Variants in HTR4 observed in about 807,000 individuals in gnomAD.
HTR4 encodes the protein 5-hydroxytryptamine receptor 4.
HTR4 carries 16 observed loss-of-function variants against 36.8 expected under a neutral mutation model. The observed-to-expected ratio is 0.43, with a 90% CI of 0.29 to 0.66. The LOEUF (loss-of-function observed/expected upper bound fraction) is 0.66, where lower values mean the gene tolerates loss of function less well. HTR4 is among the 30% of genes least tolerant of loss of function. The pLI, the probability that HTR4 is intolerant of heterozygous loss-of-function variation, is 0.13. For synonymous variants in HTR4, 189 were observed against 185.1 expected (o/e 1.02, Z -0.17); for missense variants, 438 against 490.9 (o/e 0.89, Z 1.02).
chr5:148,492,065 C>T (rs1756477694), intron 6 of HTR4, among the ~76,000 whole-genome samples: 1 of 152,210 alleles, frequency 6.6e-6, no homozygotes, highest in Non-Finnish European at 1.5e-5. Flanking sequence ...AAATAAACCA[C>T]GTTGGGCATT....
chr5:148,646,101 A>G (rs1034539482), intron 1 of HTR4: 13 of 152,238 alleles, frequency 8.5e-5, no homozygotes, highest in Admixed American at 7.9e-4. Context: ...AAAACTGTAG[A>G]TTCAGGCACT....
chr5:148,472,916 C>T (rs1755605894), downstream of HTR4, among the ~76,000 whole-genome samples: 1 of 152,068 alleles, frequency 6.6e-6, no homozygotes. Context: ...GAGGGCATAA[C>T]TTTATTTTTT....
chr5:148,482,473 G>C lies in HTR4; in HGVS notation c.*730C>G. On this transcript the variant is annotated 3_prime_UTR_variant, in exon 7 of 7. Transcript: ENST00000377888. ...CTGTCTTCAGCTTCCCTCCAGAGTT[G>C]CTGTGGAGACCATTTTCCTCTGACA... The C allele has an allele frequency of 1.0e-6, 1 of 985,568 alleles. No individual in the cohort carries two copies. Among genetic ancestry groups the C allele is most frequent in the Non-Finnish European group, 1.2e-6 (1 of 830,070 alleles). The allele number at this position is 985,568 out of a possible 1,614,324, so 61.1% of individuals were successfully genotyped here.
chr5:148,614,996 A>G (rs1270012287), intron 2 of HTR4, among the ~76,000 whole-genome samples: 1 of 152,160 alleles, frequency 6.6e-6, no homozygotes, highest in African/African-American at 2.4e-5. Context: ...ATCTCACACC[A>G]GTTAGAATGG....
At chr5:148,555,430 C>T (rs1188920201) in intron 2 of HTR4, among the ~76,000 whole-genome samples, 1 of 152,180 alleles carries the variant, frequency 6.6e-6, no homozygotes, top group Non-Finnish European at 1.5e-5. Context: ...AATAGCTTAA[C>T]TTTAAACTAG....
At chr5:148,633,658 T>A (rs1753414211) in intron 2 of HTR4, among the ~76,000 whole-genome samples, 1 of 151,934 alleles carries the variant, frequency 6.6e-6, no homozygotes, top group Admixed American at 6.6e-5. Flanking sequence ...CCGTATTAAA[T>A]ACTTTAGTTC....
At chr5:148,491,879 G>C (rs546156727) in intron 6 of HTR4, among the ~76,000 whole-genome samples, 1 of 152,076 alleles carries the variant, frequency 6.6e-6, no homozygotes, top group Non-Finnish European at 1.5e-5. Context: ...ACCCTGCTGC[G>C]CACTCAAGCT....
intron 2 of HTR4, among the ~76,000 whole-genome samples, chr5:148,563,317 C>T (rs1760298174): frequency 1.3e-5 from 2 of 152,150 alleles, no homozygotes; most frequent in Admixed American, 6.5e-5. Context: ...AGAAGCTCAC[C>T]CTTCACTTCA....
At chr5:148,614,186 A>G (rs1408612925) in intron 2 of HTR4, among the ~76,000 whole-genome samples, 2 of 152,182 alleles carry the variant, frequency 1.3e-5, no homozygotes, top group Non-Finnish European at 2.9e-5. Context: ...AACTACTTTC[A>G]AGTTCATATG....
chr5:148,508,740 G>A (rs1031595605), intron 6 of HTR4, among the ~76,000 whole-genome samples: 2 of 151,834 alleles, frequency 1.3e-5, no homozygotes, highest in Admixed American at 1.3e-4. Context: ...ATTTATTTTA[G>A]TTTATCATGT....
intron 2 of HTR4, among the ~76,000 whole-genome samples, chr5:148,588,215 T>A (rs529359088): frequency 6.5e-4 from 99 of 152,346 alleles, no homozygotes; most frequent in African/African-American, 2.2e-3. Flanking sequence ...ACTGGTCTCA[T>A]TTAATCTCTG....
downstream of HTR4, among the ~76,000 whole-genome samples, chr5:148,472,775 A>G (rs1755602630): frequency 6.6e-6 from 1 of 152,124 alleles, no homozygotes; most frequent in South Asian, 2.1e-4. Flanking sequence ...AGGAAGTGGG[A>G]GTTGGCCCAG....
intron 2 of HTR4, among the ~76,000 whole-genome samples, chr5:148,568,155 T>C (rs1015469936): frequency 6.6e-6 from 1 of 152,194 alleles, no homozygotes; most frequent in Non-Finnish European, 1.5e-5. Context: ...TTACATCCAA[T>C]AGAGACCATA....
chr5:148,489,745 C>T (rs1025996979), intron 6 of HTR4, among the ~76,000 whole-genome samples: 6 of 151,994 alleles, frequency 3.9e-5, no homozygotes, highest in African/African-American at 9.7e-5. Flanking sequence ...TGGGCTGCAG[C>T]GGGGAGAGTT....
intron 2 of HTR4, among the ~76,000 whole-genome samples, chr5:148,575,146 G>A (rs1195493564): frequency 6.6e-6 from 1 of 151,928 alleles, no homozygotes; most frequent in Non-Finnish European, 1.5e-5. Flanking sequence ...AAAATCATTA[G>A]AGGCTCTTCT....
chr5:148,585,925 G>A (rs1264809047), intron 2 of HTR4, among the ~76,000 whole-genome samples: 1 of 151,990 alleles, frequency 6.6e-6, no homozygotes, highest in African/African-American at 2.4e-5. Context: ...CCTTTTACAA[G>A]ACTCTTACTT....
rs1282208566 is a variant in HTR4 at position 148,610,825 on chromosome 5, T to C, written c.26+26164A>G. ...AACTAGAATAACCAATACAGAGAAG[T>C]GCTTAAAGGAGCTGATGGAGCTGAA... is the stretch of plus-strand genomic sequence containing the variant. On this transcript the variant is annotated intron_variant, in intron 2 of 6. Coordinates refer to ENST00000377888, the MANE Select transcript of HTR4 (RefSeq NM_000870.7). 3.0e-3 allele frequency among the ~76,000 whole-genome samples: 426 copies of C among 142,920 alleles called. 2 individuals are homozygous for C. Among genetic ancestry groups the C allele is most frequent in the African/African-American group, 0.011 (411 of 36,938 alleles). 93.8% of individuals were successfully genotyped at this position (142,920 alleles called of 152,430 possible). A position where few individuals can be genotyped will look rare whatever the true frequency, so the allele number is the denominator to read the frequency against.
intron 6 of HTR4, among the ~76,000 whole-genome samples, chr5:148,499,135 G>A (rs953005659): frequency 1.3e-5 from 2 of 152,076 alleles, no homozygotes; most frequent in Non-Finnish European, 2.9e-5. Context: ...GTGACTTTGG[G>A]CATGTTACTT....
chr5:148,596,298 C>A (rs1046611819), intron 2 of HTR4, among the ~76,000 whole-genome samples: 1 of 152,112 alleles, frequency 6.6e-6, no homozygotes, highest in African/African-American at 2.4e-5. Context: ...TTATCACTAC[C>A]TCACTAATAA....
Sources: allele counts gnomAD v4.1 joint callset (sites outside exome capture counted in the v4.1 genomes callset), GRCh38; gene constraint gnomAD v4.1.1; transcripts MANE v1.5; gene names NCBI Gene and HGNC (gene_info 2026-07-23, HGNC 2026-07-21).